GPM6A: variants seen among roughly 807,000 people sequenced by gnomAD.
GPM6A encodes the protein neuronal membrane glycoprotein M6-a.
A neutral mutation model predicts 32.1 loss-of-function variants in GPM6A; 7 were observed. The observed-to-expected ratio is 0.22, with a 90% CI of 0.12 to 0.41. The LOEUF (loss-of-function observed/expected upper bound fraction) is 0.41. GPM6A is among the 10% of genes least tolerant of loss of function. The pLI is 1.00. For synonymous variants in GPM6A, 130 were observed against 123.4 expected, an observed-to-expected ratio of 1.05 and a Z score of -0.35; for missense variants, 235 against 347.2, an observed-to-expected ratio of 0.68 and a Z score of 2.57.
At chr4:175,708,879 C>T (rs1035648888) in intron 1 of GPM6A, among the ~76,000 whole-genome samples, 1 of 152,044 alleles carries the variant, frequency 6.6e-6, no homozygotes, top group Non-Finnish European at 1.5e-5. Flanking sequence ...TTTTTCAATG[C>T]CCTGGGAGAG....
chr4:175,700,730 A>G (rs527931634), intron 2 of GPM6A, among the ~76,000 whole-genome samples: 2 of 152,354 alleles, frequency 1.3e-5, no homozygotes, highest in African/African-American at 2.4e-5. Flanking sequence ...AACAAAAGCT[A>G]TAAGGGCTCA....
At chr4:175,757,882 A>G (rs1052026752) in intron 1 of GPM6A, among the ~76,000 whole-genome samples, 1 of 152,228 alleles carries the variant, frequency 6.6e-6, no homozygotes, top group African/African-American at 2.4e-5. Context: ...AGATAATAAC[A>G]TGTTTGAACA....
chr4:175,783,673 G>A (rs989017193), intron 1 of GPM6A, among the ~76,000 whole-genome samples: 60 of 151,916 alleles, frequency 3.9e-4, no homozygotes, highest in African/African-American at 1.3e-3. Context: ...GAAATGGATT[G>A]TATTTGAATT....
chr4:175,891,243 C>G (rs1737639104), intron 1 of GPM6A, among the ~76,000 whole-genome samples: 1 of 152,178 alleles, frequency 6.6e-6, no homozygotes, highest in African/African-American at 2.4e-5. Flanking sequence ...GACCAAATCT[C>G]CTCTATTTAT....
At chr4:175,862,130 G>T (rs976228582) in intron 1 of GPM6A, among the ~76,000 whole-genome samples, 1 of 152,044 alleles carries the variant, frequency 6.6e-6, no homozygotes, top group Non-Finnish European at 1.5e-5. Context: ...TAACTTTTTG[G>T]CTGAGGCTAT....
chr4:175,651,050 C>A lies in GPM6A; in HGVS notation c.541+784G>T, dbSNP rs1192989724. The stretch of plus-strand genomic sequence containing the variant: ...AAGTTTTAATATGAAAGGCAGTTGA[C>A]TTATGAGCAAGAACACAGCCTCTGA... On this transcript the variant is annotated intron_variant, in intron 4 of 6. Coordinates refer to ENST00000393658, the MANE Select transcript of GPM6A (RefSeq NM_201591.3). Among the ~76,000 whole-genome samples the A allele has an allele frequency of 3.1e-4, 47 of 152,142 alleles. 1 individual carries two copies. The highest frequency in any genetic ancestry group is 1.5e-5 in the Non-Finnish European group (1 of 68,034).
intron 2 of GPM6A, among the ~76,000 whole-genome samples, chr4:175,690,790 G>C (rs909593494): frequency 6.6e-6 from 1 of 152,266 alleles, no homozygotes; most frequent in Admixed American, 6.5e-5. Context: ...TTCAAAGTCT[G>C]TTTTGCCATA....
At chr4:175,973,821 G>A (rs1310398802) in intron 1 of GPM6A, among the ~76,000 whole-genome samples, 1 of 152,132 alleles carries the variant, frequency 6.6e-6, no homozygotes, top group Admixed American at 6.5e-5. Flanking sequence ...ACCGCCGCTT[G>A]TCTTATCCGC....
chr4:175,826,722 C>A (rs1735450622), intron 1 of GPM6A, among the ~76,000 whole-genome samples: 1 of 152,018 alleles, frequency 6.6e-6, no homozygotes, highest in African/African-American at 2.4e-5. Flanking sequence ...GAAAAGAGAG[C>A]TTCCTGAGTT....
chr4:175,648,101 G>A (rs1229639770), intron 4 of GPM6A, among the ~76,000 whole-genome samples: 2 of 151,612 alleles, frequency 1.3e-5, no homozygotes, highest in East Asian at 3.9e-4. Context: ...AAATAATATA[G>A]CACATTCTTT....
intron 4 of GPM6A, among the ~76,000 whole-genome samples, chr4:175,645,812 G>C (rs1407429079): frequency 6.6e-6 from 1 of 152,182 alleles, no homozygotes; most frequent in African/African-American, 2.4e-5. Flanking sequence ...CTGATAGCAC[G>C]ATAGGAATTA....
intron 3 of GPM6A, among the ~76,000 whole-genome samples, chr4:175,661,593 A>AGTTTTT (rs1742421758): frequency 6.6e-6 from 1 of 152,180 alleles, no homozygotes; most frequent in Non-Finnish European, 1.5e-5. Context: ...CCAGCATGTG[A>AGTTTTT]GTTTTTGCTC....
intron 1 of GPM6A, among the ~76,000 whole-genome samples, chr4:175,865,863 T>TA (rs1368548173): frequency 3.9e-5 from 6 of 152,018 alleles, no homozygotes; most frequent in Non-Finnish European, 7.4e-5. Context: ...AAACCACTAT[T>TA]AAAAAAAACA....
chr4:175,962,464 TG>T, intron 1 of GPM6A: 3 of 641,672 alleles, frequency 4.7e-6, no homozygotes, highest in Non-Finnish European at 5.9e-6. Flanking sequence ...CAACCTTTTT[TG>T]CTTCTCCAAT....
At chr4:175,986,152 G>GT (rs1403186596) in intron 1 of GPM6A, among the ~76,000 whole-genome samples, 2 of 151,994 alleles carry the variant, frequency 1.3e-5, no homozygotes, top group African/African-American at 2.4e-5. Flanking sequence ...TGATCATATG[G>GT]TTTTTTTCCT....
chr4:175,960,864 A>G (rs1157115000), intron 1 of GPM6A: 2 of 152,220 alleles, frequency 1.3e-5, no homozygotes, highest in East Asian at 1.9e-4. Context: ...TACAAAATTC[A>G]TGGTATTTTA....
chr4:175,775,851 C>T (rs374305757), intron 1 of GPM6A, among the ~76,000 whole-genome samples: 100 of 151,992 alleles, frequency 6.6e-4, no homozygotes, highest in Admixed American at 1.4e-3. Context: ...CAACATGCTG[C>T]GGAAATCCAA....
chr4:175,992,567 G>C (rs1022472790), intron 1 of GPM6A, among the ~76,000 whole-genome samples: 1 of 152,106 alleles, frequency 6.6e-6, no homozygotes, highest in Non-Finnish European at 1.5e-5. Flanking sequence ...AATCTTACAG[G>C]ACCAAGGTAG....
intron 1 of GPM6A, among the ~76,000 whole-genome samples, chr4:175,841,083 T>C (rs1735920523): frequency 6.6e-6 from 1 of 152,198 alleles, no homozygotes; most frequent in African/African-American, 2.4e-5. Flanking sequence ...GATCCTAACC[T>C]AATCTGTCTC....
Sources: allele counts gnomAD v4.1 joint callset (sites outside exome capture counted in the v4.1 genomes callset), GRCh38; gene constraint gnomAD v4.1.1; transcripts MANE v1.5; gene names NCBI Gene and HGNC (gene_info 2026-07-23, HGNC 2026-07-21).